CAMK2B: variants seen among roughly 807,000 people sequenced by gnomAD.
CAMK2B encodes the protein calcium/calmodulin dependent protein kinase II beta, also known as calcium/calmodulin-dependent protein kinase type II subunit beta.
Under a neutral mutation model 93.7 loss-of-function variants are expected in CAMK2B, and 27 were observed. The ratio of observed to expected loss-of-function variants is 0.29; its 90% confidence interval spans 0.21 to 0.40. CAMK2B has a LOEUF of 0.40. Among genes scored for constraint, CAMK2B ranks in the 10% least tolerant of loss-of-function variants. The pLI, the probability that CAMK2B is intolerant of heterozygous loss-of-function variation, is 1.00. For missense variants in CAMK2B, 568 were observed against 895.8 expected, an observed-to-expected ratio of 0.63 and a Z score of 4.67; for synonymous variants, 374 against 358.8, an observed-to-expected ratio of 1.04 and a Z score of -0.48.
intron 9 of CAMK2B, 104 bp from the exon 10 acceptor site, chr7:44,242,444 G>T (rs974486100): frequency 1.3e-6 from 2 of 1,536,274 alleles, no homozygotes; most frequent in African/African-American, 2.7e-5. Flanking sequence ...TGGGAGAGCA[G>T]GACCCAGGAC....
intron 5 of CAMK2B, among the ~76,000 whole-genome samples, 188 bp downstream of exon 5, chr7:44,254,354 G>C (rs2096811931): frequency 6.6e-6 from 1 of 152,220 alleles, no homozygotes; most frequent in Non-Finnish European, 1.5e-5. Context: ...GTGGAGGGGA[G>C]GTGGCCTCTT....
intron 16 of CAMK2B, among the ~76,000 whole-genome samples, chr7:44,231,774 C>T (rs1289659690): frequency 6.6e-6 from 1 of 152,208 alleles, no homozygotes; most frequent in African/African-American, 2.4e-5. Context: ...CCAGACTCTC[C>T]CACCCTGCTC....
intron 6 of CAMK2B, among the ~76,000 whole-genome samples, chr7:44,246,375 G>C (rs1344965106): frequency 6.6e-6 from 1 of 152,066 alleles, no homozygotes; most frequent in African/African-American, 2.4e-5. Flanking sequence ...GGTAGGGAGG[G>C]CCATGTGCAG....
chr7:44,302,021 A>C (rs569503692), intron 1 of CAMK2B, among the ~76,000 whole-genome samples: 3 of 152,318 alleles, frequency 2.0e-5, no homozygotes, highest in African/African-American at 7.2e-5. Context: ...ACTAAGGAAA[A>C]AAGAGAAAAG....
chr7:44,234,633 C>T lies in CAMK2B; in HGVS notation c.1059+6G>A, dbSNP rs747472065. 1.1e-5 allele frequency: 18 copies of T among 1,613,840 alleles called. No individual in the cohort carries two copies. The African/African-American group carries it at 2.4e-4, about 22-fold the overall frequency. Reference sequence around the variant, plus strand: ...CCGGCACCACAGGGCCCGGCTGGAGCCTCACCTTGACTCCATCTGCTTTCT... The same window carrying T: ...CCGGCACCACAGGGCCCGGCTGGAGTCTCACCTTGACTCCATCTGCTTTCT... On this transcript the variant is annotated splice_donor_region_variant and intron_variant, in intron 14 of 23. Transcript: ENST00000395749.
At chr7:44,258,490 G>A (rs1444589181) in intron 4 of CAMK2B, among the ~76,000 whole-genome samples, 2 of 152,208 alleles carry the variant, frequency 1.3e-5, no homozygotes, top group African/African-American at 2.4e-5. Context: ...GTGCACTCAC[G>A]CCAGCCAGTG....
chr7:44,260,532 G>T (rs1033600226), intron 3 of CAMK2B, among the ~76,000 whole-genome samples: 2 of 152,206 alleles, frequency 1.3e-5, no homozygotes, highest in African/African-American at 4.8e-5. Context: ...GGGGCAGGTT[G>T]CTCAGCCCAT....
chr7:44,280,768 CA>C (rs1340116462), intron 2 of CAMK2B, among the ~76,000 whole-genome samples: 1 of 152,158 alleles, frequency 6.6e-6, no homozygotes, highest in African/African-American at 2.4e-5. Context: ...GGAAGGGATC[CA>C]TCCCACAGAC....
At position 44,220,172 on chromosome 7, in the gene CAMK2B, G is replaced by C. The variant is rs768283399; in HGVS notation, c.1891C>G (p.Arg631Gly). 2 of 1,612,010 alleles carry C rather than the reference G, an allele frequency of 1.2e-6. No individual in the cohort carries two copies. Among genetic ancestry groups the C allele is most frequent in the Non-Finnish European group, 1.7e-6 (2 of 1,179,818 alleles). ...TCCTCAGACTGGCTGGTGCGGGGCC[G>C]GCCCTGCCCGTCAATGTACTGCGTG... is the stretch of plus-strand genomic sequence containing the variant. Reference protein sequence around the residue: ...RLTQYIDGQGRPRTSQSEETR... With the variant: ...RLTQYIDGQGGPRTSQSEETR... Residue 631 changes from arginine to glycine, a missense_variant, in exon 23 of 24, where the codon CGG (arginine) becomes GGG (glycine). Arg to Gly is a moderately radical substitution (Grantham distance 125, BLOSUM62 -2). Transcript: ENST00000395749.
chr7:44,261,589 C>T (rs1227911260), intron 3 of CAMK2B, among the ~76,000 whole-genome samples: 1 of 152,100 alleles, frequency 6.6e-6, no homozygotes, highest in Non-Finnish European at 1.5e-5. Context: ...TTGCTCAGGC[C>T]AGATGGAGCA....
rs747256029 is a variant in CAMK2B, at chr7:44,311,438, G to T, written c.65+13919C>A. Among the ~76,000 whole-genome samples the T allele has an allele frequency of 2.6e-5, 4 of 152,212 alleles. No individual in the cohort carries two copies. Among genetic ancestry groups the T allele is most frequent in the Non-Finnish European group, 5.9e-5 (4 of 68,030 alleles). ...TGGCAAATCAAATTCTTAACCTCTA[G>T]TAACAAACAAGAAAAACTCAGAGAA... On this transcript the variant is annotated intron_variant, in intron 1 of 23. Coordinates refer to ENST00000395749, the MANE Select transcript of CAMK2B (RefSeq NM_001220.5). The surrounding 1 kb of genome is among the most constrained non-coding windows in gnomAD (Gnocchi z 4.2).
At chr7:44,316,106 G>A (rs1720656453) in intron 1 of CAMK2B, among the ~76,000 whole-genome samples, 1 of 152,144 alleles carries the variant, frequency 6.6e-6, no homozygotes, top group Admixed American at 6.5e-5. Flanking sequence ...CCTAGAAATG[G>A]AAAGAGCAGA....
intron 1 of CAMK2B, among the ~76,000 whole-genome samples, chr7:44,302,562 A>G (rs562161709): frequency 6.6e-6 from 1 of 152,342 alleles, no homozygotes; most frequent in Admixed American, 6.5e-5. Flanking sequence ...TATCATGATC[A>G]TGCGGGATTT....
At chr7:44,238,641 G>T (rs1318900369) in intron 13 of CAMK2B, among the ~76,000 whole-genome samples, 2 of 152,210 alleles carry the variant, frequency 1.3e-5, no homozygotes. Flanking sequence ...GGGTCATGAG[G>T]AGGCCTGGGG....
intron 6 of CAMK2B, among the ~76,000 whole-genome samples, chr7:44,244,125 C>T (rs1481313471): frequency 6.6e-6 from 1 of 152,204 alleles, no homozygotes; most frequent in Non-Finnish European, 1.5e-5. Flanking sequence ...GACATCCACC[C>T]ACCAAGTCCC....
In CAMK2B at chr7:44,283,962, C is replaced by T. The variant is rs138985845; in HGVS notation, c.160+169G>A. 3.6e-3 allele frequency among the ~76,000 whole-genome samples: 553 copies of T among 152,366 alleles called. 5 individuals carry two copies. The highest frequency in any genetic ancestry group is 0.013 in the African/African-American group (521 of 41,594). The stretch of plus-strand genomic sequence containing the variant: ...AACACTCCTGTGCCTCCCTCTGCCA[C>T]AGCCTCCACTCCAGGAACCCCACTG... On this transcript the variant is annotated intron_variant, in intron 2 of 23. Coordinates refer to ENST00000395749, the MANE Select transcript of CAMK2B (RefSeq NM_001220.5).
Position 44,229,428 on chromosome 7 carries a change from G to A in CAMK2B, c.1299C>T (p.Pro433=), listed in dbSNP as rs1177912237. 3 of 1,502,098 alleles carry A rather than the reference G, an allele frequency of 2.0e-6. No homozygotes were observed. Among genetic ancestry groups the A allele is most frequent in the East Asian group, 2.6e-5 (1 of 38,448 alleles). The allele number at this position is 1,502,098 out of a possible 1,614,324, so 93.0% of individuals were successfully genotyped here. Residue 433 remains proline (P), a synonymous_variant, in exon 18 of 24, where the codon CCC becomes CCT. Transcript: ENST00000395749. The part of the protein sequence containing the change: ...SGAPEAEGPL[P]CPSPAPFSPL... Reference sequence around the variant, plus strand: ...GGCTAAAGGGAGCCGGAGATGGGCAGGGCAGGGGCCCCTCGGCTTCTGGGG... The same window carrying A: ...GGCTAAAGGGAGCCGGAGATGGGCAAGGCAGGGGCCCCTCGGCTTCTGGGG...
rs144914943 is a variant in CAMK2B at position 44,278,817 on chromosome 7, C to T, written c.160+5314G>A. 1.0e-3 allele frequency among the ~76,000 whole-genome samples: 159 copies of T among 152,366 alleles called. 1 individual carries two copies. Among genetic ancestry groups the T allele is most frequent in the African/African-American group, 3.7e-3 (153 of 41,578 alleles). ...CTCTGTCTGGGTCATTTTCTGGAGA[C>T]CCAGATTTCAACTCCAAGGGGATGA... On this transcript the variant is annotated intron_variant, in intron 2 of 23. Transcript: ENST00000395749.
intron 13 of CAMK2B, 137 bp from the exon 14 acceptor site, chr7:44,234,813 C>T: frequency 1.1e-6 from 1 of 895,662 alleles, no homozygotes; most frequent in Admixed American, 2.1e-5. Flanking sequence ...GTTCCAGCAC[C>T]CAGGCTGGCT....
Sources: allele counts gnomAD v4.1 joint callset (sites outside exome capture counted in the v4.1 genomes callset), GRCh38; gene constraint gnomAD v4.1.1; non-coding constraint Gnocchi (gnomAD v3.1); transcripts MANE v1.5; gene names NCBI Gene and HGNC (gene_info 2026-07-23, HGNC 2026-07-21).